The following OPRL1 variants were observed in gnomAD, a reference collection of about 807,000 sequenced individuals.
OPRL1 encodes the protein opioid related nociceptin receptor 1.
Under a neutral mutation model 15.5 loss-of-function variants are expected in OPRL1, and 5 were observed. The observed-to-expected ratio is 0.32, with a 90% CI of 0.17 to 0.68. OPRL1 has a LOEUF of 0.68. Ranked by LOEUF, OPRL1 falls within the 30% of genes least tolerant of loss-of-function variation. OPRL1 has a pLI of 0.72. For missense variants in OPRL1, 406 were observed against 515.3 expected (o/e 0.79, Z 2.05); for synonymous variants, 223 against 230.2 (o/e 0.97, Z 0.28).
intron 3 of OPRL1, among the ~76,000 whole-genome samples, chr20:64,095,926 G>A (rs564630952): frequency 5.8e-4 from 88 of 152,168 alleles, no homozygotes; most frequent in South Asian, 2.1e-3. Flanking sequence ...ATGCAGCCAC[G>A]TGTATATGTA....
In OPRL1 at chr20:64,100,548, T is replaced by TA. The variant is rs1979703449; in HGVS notation, c.*1750dup. On this transcript the variant is annotated 3_prime_UTR_variant, in exon 5 of 5. Coordinates refer to ENST00000336866, the MANE Select transcript of OPRL1 (RefSeq NM_182647.4). ...ACGTATTTATGCATGTGGCAAGCGT[T>TA]ACTTCCTGTGCACGTAGCCAGCCCT... is the stretch of plus-strand genomic sequence containing the variant. The TA allele has an allele frequency of 1.3e-5, 2 of 152,258 alleles. No homozygotes were observed. The allele number at this position is 152,258 out of a possible 1,614,324, so 9.4% of individuals were successfully genotyped here. A position where few individuals can be genotyped will look rare whatever the true frequency, so the allele number is the denominator to read the frequency against.
At position 64,092,819 on chromosome 20, in the gene OPRL1, C is replaced by G. The variant is rs980611931; in HGVS notation, c.99C>G (p.Pro33=). The G allele has an allele frequency of 6.2e-7, 1 of 1,612,670 alleles. No homozygotes were observed. Residue 33 remains proline, a synonymous_variant, in exon 3 of 5, where the codon CCC becomes CCG. Coordinates refer to ENST00000336866, the MANE Select transcript of OPRL1 (RefSeq NM_182647.4). ...SLLSPNHSLL[P]PHLLLNASHG... is the part of the protein sequence containing the mutation. ...TGAGCCCCAACCACAGTCTGCTGCCCCCGCATCTGCTGCTCAATGCCAGCC... is the reference window on the plus strand; with the variant it reads ...TGAGCCCCAACCACAGTCTGCTGCCGCCGCATCTGCTGCTCAATGCCAGCC...
At position 64,093,172 on chromosome 20, in the gene OPRL1, C is replaced by T. The variant is rs531179465; in HGVS notation, c.233+219C>T. 5.2e-4 allele frequency among the ~76,000 whole-genome samples: 79 copies of T among 152,018 alleles called. 2 individuals carry two copies. The South Asian group carries it at 0.015, about 30-fold the overall frequency. On this transcript the variant is annotated intron_variant, in intron 3 of 4. Transcript: ENST00000336866. ...GGAGGGGGCTGGCCCTGGCCCACCGCGCTCTGTCCCAGGCAGAGACGTCAC... is the reference window on the plus strand; with the variant it reads ...GGAGGGGGCTGGCCCTGGCCCACCGTGCTCTGTCCCAGGCAGAGACGTCAC...
chr20:64,091,682 T>C (rs1320347226), intron 1 of OPRL1, among the ~76,000 whole-genome samples: 1 of 152,156 alleles, frequency 6.6e-6, no homozygotes, highest in African/African-American at 2.4e-5. Context: ...TGTCTGTGTG[T>C]CCTTGTGTGT....
chr20:64,088,905 T>C (rs1284938202), intron 1 of OPRL1, among the ~76,000 whole-genome samples: 3 of 150,520 alleles, frequency 2.0e-5, no homozygotes, highest in Non-Finnish European at 3.0e-5. Context: ...GGCCAGGGTC[T>C]GTGCAGAGTG....
At chr20:64,086,402 C>A (rs145322546) in intron 1 of OPRL1, 7 of 178,322 alleles carry the variant, frequency 3.9e-5, no homozygotes, top group Admixed American at 5.4e-5. Context: ...TTTCTCCACA[C>A]GTTTGCAGTT....
intron 1 of OPRL1, among the ~76,000 whole-genome samples, chr20:64,081,637 G>A (rs571078147): frequency 6.6e-6 from 1 of 152,340 alleles, no homozygotes; most frequent in Admixed American, 6.5e-5. Context: ...GCGGAGCTGG[G>A]ATTTGAACCC....
rs1185327318 is a variant in OPRL1 at position 64,083,582 on chromosome 20, C to T, written c.-185+3230C>T. On this transcript the variant is annotated intron_variant, in intron 1 of 4. Coordinates refer to ENST00000336866, the MANE Select transcript of OPRL1 (RefSeq NM_182647.4). This position sits in a 1 kb window ranked among gnomAD's most constrained non-coding sequence, Gnocchi z 4.9. The stretch of plus-strand genomic sequence containing the variant: ...CCGCCCCTACCGGGGCTTGTCTGCA[C>T]CTCTTGGCGGTCCAGGGGGTCCGGG... 6.6e-7 allele frequency: 1 copy of T among 1,513,376 alleles called. No individual in the cohort carries two copies. The highest frequency in any genetic ancestry group is 1.2e-5 in the South Asian group (1 of 81,268). The allele number at this position is 1,513,376 out of a possible 1,614,324, so 93.7% of individuals were successfully genotyped here.
chr20:64,095,253 CG>C (rs1197848066), intron 3 of OPRL1, among the ~76,000 whole-genome samples: 2 of 32,668 alleles, frequency 6.1e-5, no homozygotes, highest in African/African-American at 2.9e-4. Flanking sequence ...GGGATAGCAT[CG>C]GGGGGATAGT....
At chr20:64,085,282 C>G (rs1198128087) in intron 1 of OPRL1, 1 of 152,166 alleles carries the variant, frequency 6.6e-6, no homozygotes, top group Admixed American at 6.5e-5. Flanking sequence ...GTGGTTAAGG[C>G]CCATTCCCTT....
chr20:64,095,437 G>T (rs1043583873), intron 3 of OPRL1, among the ~76,000 whole-genome samples: 1 of 151,388 alleles, frequency 6.6e-6, no homozygotes, highest in African/African-American at 2.4e-5. Context: ...CGTGGATTGT[G>T]GATTGGGCAG....
chr20:64,099,036 C>A lies in OPRL1; in HGVS notation c.*237C>A. 1.8e-6 allele frequency: 1 copy of A among 565,286 alleles called. No homozygotes were observed. Among genetic ancestry groups the A allele is most frequent in the Non-Finnish European group, 3.0e-6 (1 of 332,362 alleles). 35.0% of individuals were successfully genotyped at this position (565,286 alleles called of 1,614,324 possible). On this transcript the variant is annotated 3_prime_UTR_variant, in exon 5 of 5. Transcript: ENST00000336866. ...CTCCATGGCCCCAGACAGACTAAAG[C>A]TGCCCTCCTGGTGCAGGGCCGAGGG...
rs769614833 is a variant in OPRL1, at chr20:64,098,031, C to A, written c.463C>A (p.Pro155Thr). The change falls in exon 4 of 5, where the codon CCC becomes ACC. Residue 155 changes from proline to threonine, a missense_variant. By Grantham distance (38) the Pro-to-Thr change is conservative (BLOSUM62 -1). Coordinates refer to ENST00000336866, the MANE Select transcript of OPRL1 (RefSeq NM_182647.4). ...SVDRYVAICH[P>T]IRALDVRTSS... is the part of the protein sequence containing the mutation. ...GGATCGCTATGTAGCCATCTGCCAC[C>A]CCATCCGTGCCCTCGACGTCCGCAC... 3 of 1,613,284 alleles carry A rather than the reference C, an allele frequency of 1.9e-6. No individual in the cohort carries two copies. The South Asian group carries it at 3.3e-5, about 18-fold the overall frequency.
In OPRL1 at chr20:64,092,797, G is replaced by A; in HGVS notation, c.77G>A (p.Ser26Asn). The change falls in exon 3 of 5, where the codon AGC (serine) becomes AAC (asparagine). Residue 26 changes from serine to asparagine, a missense_variant. Transcript: ENST00000336866. ...SHLQGNLSLL[S>N]PNHSLLPPHL... ...CTTCAGGGCAACCTGTCCCTCCTGA[G>A]CCCCAACCACAGTCTGCTGCCCCCG... 1 of 1,612,766 alleles carries A rather than the reference G, an allele frequency of 6.2e-7. No homozygotes were observed. Among genetic ancestry groups the A allele is most frequent in the Non-Finnish European group, 8.5e-7 (1 of 1,179,952 alleles).
chr20:64,083,282 C>T lies in OPRL1; in HGVS notation c.-185+2930C>T. 2 of 1,162,378 alleles carry T rather than the reference C, an allele frequency of 1.7e-6. No homozygotes were observed. The highest frequency in any genetic ancestry group is 2.7e-5 in the East Asian group (1 of 37,514). The allele number at this position is 1,162,378 out of a possible 1,614,324, so 72.0% of individuals were successfully genotyped here. A position where few individuals can be genotyped will look rare whatever the true frequency, so the allele number is the denominator to read the frequency against. ...TTTGGGAGAGGCCCCACTCTCTGTA[C>T]CCTGATGTCTGTGAGGTGCATGGGA... On this transcript the variant is annotated intron_variant, in intron 1 of 4. Transcript: ENST00000336866. This position sits in a 1 kb window ranked among gnomAD's most constrained non-coding sequence, Gnocchi z 4.9.
Position 64,088,912 on chromosome 20 carries a change from A to G in OPRL1, c.-184-3054A>G, listed in dbSNP as rs62218114. Among the ~76,000 whole-genome samples, 231 of 58,332 alleles carry G rather than the reference A, an allele frequency of 4.0e-3. 1 individual carries two copies. The highest frequency in any genetic ancestry group is 4.4e-3 in the African/African-American group (67 of 15,108). 38.3% of individuals were successfully genotyped at this position (58,332 alleles called of 152,430 possible). ...TGCAGAGTGGCCAGGGTCTGTGCAGAGTGGCCAGGATCTGTGCAAGGGGTA... is the reference window on the plus strand; with the variant it reads ...TGCAGAGTGGCCAGGGTCTGTGCAGGGTGGCCAGGATCTGTGCAAGGGGTA... On this transcript the variant is annotated intron_variant, in intron 1 of 4. Transcript: ENST00000336866.
Position 64,089,716 on chromosome 20 carries a change from T to C in OPRL1, c.-184-2250T>C, listed in dbSNP as rs1259220947. On this transcript the variant is annotated intron_variant, in intron 1 of 4. Coordinates refer to ENST00000336866, the MANE Select transcript of OPRL1 (RefSeq NM_182647.4). This position sits in a 1 kb window ranked among gnomAD's most constrained non-coding sequence, Gnocchi z 5.5. ...GGGATGAGGTGCTTGTGTCCCACAC[T>C]CTGCCCTGGCCTCTGACACTGGTTC... 6.6e-6 allele frequency among the ~76,000 whole-genome samples: 1 copy of C among 152,218 alleles called. No individual in the cohort carries two copies. Among genetic ancestry groups the C allele is most frequent in the Admixed American group, 6.5e-5 (1 of 15,280 alleles).
intron 4 of OPRL1, 24 bp from the exon 5 acceptor site, chr20:64,098,252 C>T: frequency 1.2e-6 from 2 of 1,606,512 alleles, no homozygotes; most frequent in Non-Finnish European, 1.7e-6. Flanking sequence ...TGGGCCCACT[C>T]TGACCCCGTT....
intron 1 of OPRL1, among the ~76,000 whole-genome samples, chr20:64,088,676 T>C (rs79879157): frequency 7.6e-5 from 10 of 131,852 alleles, no homozygotes; most frequent in East Asian, 2.3e-4. Context: ...CTGTGCAGAG[T>C]GGCCAGGATC....
Sources: allele counts gnomAD v4.1 joint callset (sites outside exome capture counted in the v4.1 genomes callset), GRCh38; gene constraint gnomAD v4.1.1; non-coding constraint Gnocchi (gnomAD v3.1); transcripts MANE v1.5; gene names NCBI Gene and HGNC (gene_info 2026-07-23, HGNC 2026-07-21).